The following AFF1 variants were observed in gnomAD, a reference collection of about 807,000 sequenced individuals.
The protein encoded by AFF1 is AF4/FMR2 family member 1.
Under a neutral mutation model 121.7 loss-of-function variants are expected in AFF1, and 48 were observed. The ratio of observed to expected loss-of-function variants is 0.39; its 90% CI spans 0.31 to 0.50. The LOEUF (loss-of-function observed/expected upper bound fraction) is 0.50, where lower values mean the gene tolerates loss of function less well. Among genes scored for constraint, AFF1 ranks in the 20% least tolerant of loss-of-function variants. AFF1 has a pLI of 0.76. For missense variants in AFF1, 1,523 were observed against 1,511.7 expected (o/e 1.01, Z -0.12); for synonymous variants, 613 against 563.0 (o/e 1.09, Z -1.26).
chr4:87,012,462 TTTG>T (rs993590529), intron 2 of AFF1, among the ~76,000 whole-genome samples: 40 of 152,266 alleles, frequency 2.6e-4, no homozygotes, highest in African/African-American at 8.7e-4. Context: ...GTATAATCTC[TTTG>T]TTGTGGTTGG....
At chr4:87,044,909 T>C (rs887183015) in intron 2 of AFF1, among the ~76,000 whole-genome samples, 5 of 152,138 alleles carry the variant, frequency 3.3e-5, no homozygotes, top group Non-Finnish European at 7.4e-5. Context: ...GGGGGAATTT[T>C]AATGCCAAAG....
At chr4:87,005,666 A>C (rs1036307911) in intron 2 of AFF1, among the ~76,000 whole-genome samples, 8 of 152,248 alleles carry the variant, frequency 5.3e-5, no homozygotes, top group Non-Finnish European at 8.8e-5. Context: ...ATTGTACTTA[A>C]GTGTGCAGTG....
chr4:87,074,238 A>G (rs1722429584), intron 4 of AFF1, among the ~76,000 whole-genome samples: 1 of 152,154 alleles, frequency 6.6e-6, no homozygotes, highest in Non-Finnish European at 1.5e-5. Context: ...AGGCCATTTG[A>G]AAGGACTTGT....
chr4:86,975,435 G>C (rs1723235847), intron 2 of AFF1, among the ~76,000 whole-genome samples: 1 of 152,016 alleles, frequency 6.6e-6, no homozygotes, highest in Admixed American at 6.6e-5. Flanking sequence ...ATTTCTTGTT[G>C]AGATGAGGTT....
At chr4:87,090,143 T>G in intron 6 of AFF1, 73 bp downstream of exon 6, 1 of 1,213,776 alleles carries the variant, frequency 8.2e-7, no homozygotes, top group South Asian at 1.3e-5. Flanking sequence ...GTGAGGCAGA[T>G]TGATAAAGTA....
chr4:87,124,389 T>C (rs1246009008), intron 12 of AFF1, among the ~76,000 whole-genome samples: 2 of 152,204 alleles, frequency 1.3e-5, no homozygotes, highest in Non-Finnish European at 2.9e-5. Flanking sequence ...ATAAAGACAG[T>C]ATTAAAAAAA....
At position 87,141,030 on chromosome 4, in the gene AFF1, C is replaced by T. The variant is rs72866981; in HGVS notation, c.*5329C>T. 0.026 allele frequency: 4,592 copies of T among 176,118 alleles called. 229 individuals are homozygous for T. The highest frequency in any genetic ancestry group is 0.1 in the African/African-American group (4,341 of 42,246). The allele number at this position is 176,118 out of a possible 1,614,324, so 10.9% of individuals were successfully genotyped here. A position where few individuals can be genotyped will look rare whatever the true frequency, so the allele number is the denominator to read the frequency against. ...AAAACAAAAAAATTAATAAAAATTT[C>T]GAGAAATCATTGGGGTTGAATCCAT... On this transcript the variant is annotated 3_prime_UTR_variant, in exon 21 of 21. Transcript: ENST00000395146.
intron 2 of AFF1, among the ~76,000 whole-genome samples, chr4:86,992,117 G>A (rs1024005136): frequency 2.6e-5 from 4 of 152,120 alleles, no homozygotes; most frequent in African/African-American, 9.7e-5. Flanking sequence ...TTCCTCAAGA[G>A]TGTAACAATA....
chr4:87,068,508 A>AT (rs1721620916), intron 4 of AFF1, among the ~76,000 whole-genome samples: 1 of 152,172 alleles, frequency 6.6e-6, no homozygotes, highest in Non-Finnish European at 1.5e-5. Flanking sequence ...AGGTTAAACT[A>AT]TTTTTGGGTC....
chr4:87,014,127 A>T (rs559595176), intron 2 of AFF1, among the ~76,000 whole-genome samples: 1 of 132,842 alleles, frequency 7.5e-6, no homozygotes, highest in African/African-American at 3.0e-5. Context: ...CGTCTGTGTT[A>T]AAAAAAAAAT....
At chr4:87,131,027 G>A in intron 16 of AFF1, 56 bp from the exon 17 acceptor site, 4 of 1,594,482 alleles carry the variant, frequency 2.5e-6, no homozygotes, top group Non-Finnish European at 3.4e-6. Flanking sequence ...ATGTGGGTGA[G>A]AAACTAAATC....
chr4:87,014,509 C>G (rs1056698210), intron 2 of AFF1, among the ~76,000 whole-genome samples: 1 of 152,218 alleles, frequency 6.6e-6, no homozygotes, highest in African/African-American at 2.4e-5. Context: ...AAAATTATAG[C>G]AGATGTCACT....
rs1233567309 is a variant in AFF1, at chr4:87,131,115, G to A, written c.2997G>A (p.Leu999=). 3 of 1,614,192 alleles carry A rather than the reference G, an allele frequency of 1.9e-6. No homozygotes were observed. The highest frequency in any genetic ancestry group is 2.2e-5 in the South Asian group (2 of 91,088). The change falls in exon 17 of 21, where the codon CTG becomes CTA. Residue 999 remains leucine, a synonymous_variant. Coordinates refer to ENST00000395146, the MANE Select transcript of AFF1 (RefSeq NM_001166693.3). ...TDRVGKAFKY[L]EAVLSFIECG... ...GGGTTGGAAAGGCTTTTAAGTACCT[G>A]GAAGCCGTCTTGTCCTTCATTGAGT...
chr4:86,995,556 C>T (rs1433852361), intron 2 of AFF1, among the ~76,000 whole-genome samples: 3 of 151,776 alleles, frequency 2.0e-5, no homozygotes, highest in Admixed American at 2.0e-4. Context: ...TCGAGTGATC[C>T]GCCAGCCTCG....
At chr4:86,947,745 A>G (rs1720968911) in intron 1 of AFF1, among the ~76,000 whole-genome samples, 2 of 152,250 alleles carry the variant, frequency 1.3e-5, no homozygotes, top group Admixed American at 6.5e-5. Flanking sequence ...CCCAGATTGG[A>G]TAATAATTTT....
chr4:86,958,156 C>T (rs1278040130), intron 2 of AFF1, among the ~76,000 whole-genome samples: 4 of 140,838 alleles, frequency 2.8e-5, no homozygotes, highest in African/African-American at 1.1e-4. Flanking sequence ...TGCAGTGGTG[C>T]CATCTGGGCT....
chr4:87,044,033 G>A (rs561615720), intron 2 of AFF1, among the ~76,000 whole-genome samples: 1 of 152,192 alleles, frequency 6.6e-6, no homozygotes, highest in South Asian at 2.1e-4. Flanking sequence ...GGCCAGGATG[G>A]TCTCGATCTC....
At chr4:87,007,524 G>A in intron 2 of AFF1, 5 of 1,513,882 alleles carry the variant, frequency 3.3e-6, no homozygotes, top group South Asian at 1.1e-5. Context: ...CGGACAGGAA[G>A]CAGCTTTGTC....
At chr4:86,970,089 TTTAG>T (rs1722837986) in intron 2 of AFF1, among the ~76,000 whole-genome samples, 1 of 152,002 alleles carries the variant, frequency 6.6e-6, no homozygotes, top group Admixed American at 6.6e-5. Flanking sequence ...AATATAATTA[TTTAG>T]TTTTTTTAAT....
Sources: gnomAD v4.1 joint callset for allele counts (sites outside exome capture counted in the v4.1 genomes callset) on GRCh38, gnomAD v4.1.1 for gene constraint, MANE v1.5 for transcripts, NCBI Gene and HGNC (gene_info 2026-07-23, HGNC 2026-07-21) for gene names.